SLC14A2: variants seen among roughly 807,000 people sequenced by gnomAD.
SLC14A2 encodes the protein urea transporter 2.
A neutral mutation model predicts 104.6 loss-of-function variants in SLC14A2; 91 were observed. The ratio of observed to expected loss-of-function variants is 0.87; its 90% CI spans 0.73 to 1.04. The LOEUF is 1.04. Among genes scored for constraint, SLC14A2 ranks in the 50% least tolerant of loss-of-function variants. The pLI is 0.00. For missense variants in SLC14A2, 1,189 were observed against 1,156.0 expected, an observed-to-expected ratio of 1.03 and a Z score of -0.41; for synonymous variants, 476 against 466.4, an observed-to-expected ratio of 1.02 and a Z score of -0.27.
chr18:45,218,051 C>A (rs1002894797), intron 1 of SLC14A2, among the ~76,000 whole-genome samples: 1 of 152,070 alleles, frequency 6.6e-6, no homozygotes, highest in African/African-American at 2.4e-5. Context: ...ACCATTTTAA[C>A]GATCTTTAAG....
intron 2 of SLC14A2, among the ~76,000 whole-genome samples, chr18:45,526,224 A>C (rs2043592986): frequency 6.6e-6 from 1 of 152,182 alleles, no homozygotes; most frequent in Admixed American, 6.5e-5. Flanking sequence ...CATGGTTTTT[A>C]GTCACTGGAA....
At chr18:45,247,262 T>A (rs2084375786) in intron 1 of SLC14A2, among the ~76,000 whole-genome samples, 1 of 152,250 alleles carries the variant, frequency 6.6e-6, no homozygotes, top group African/African-American at 2.4e-5. Context: ...CAAAATTTGA[T>A]TCTTTCTTTA....
intron 1 of SLC14A2, among the ~76,000 whole-genome samples, chr18:45,365,860 G>C (rs992916431): frequency 6.6e-6 from 1 of 152,000 alleles, no homozygotes; most frequent in African/African-American, 2.4e-5. Context: ...TGTTTTTCCA[G>C]CACTGTGAAT....
intron 1 of SLC14A2, among the ~76,000 whole-genome samples, chr18:45,311,863 T>A (rs966378169): frequency 2.0e-5 from 3 of 152,204 alleles, no homozygotes; most frequent in African/African-American, 7.2e-5. Context: ...GGGGAGATAG[T>A]GGCAGATTAT....
At chr18:45,663,930 G>T (rs757300142) in intron 11 of SLC14A2, 23 bp downstream of exon 11, 2 of 1,595,586 alleles carry the variant, frequency 1.3e-6, no homozygotes, top group Non-Finnish European at 1.7e-6. Context: ...TCCCCCTCAC[G>T]CTTGGATCCC....
At chr18:45,656,489 A>G (rs2144602314) in intron 10 of SLC14A2, among the ~76,000 whole-genome samples, 1 of 152,348 alleles carries the variant, frequency 6.6e-6, no homozygotes, top group Non-Finnish European at 1.5e-5. Flanking sequence ...AGAGTGACAT[A>G]ATAACATGGT....
At chr18:45,177,074 A>C in the SLC14A2 span, among the ~76,000 whole-genome samples, 2 of 152,170 alleles carry the variant, frequency 1.3e-5, no homozygotes, top group Admixed American at 1.3e-4. Flanking sequence ...AAGCTGCACA[A>C]ACCAGGACCT....
At chr18:45,599,853 G>A (rs1423212490) in intron 2 of SLC14A2, among the ~76,000 whole-genome samples, 3 of 152,340 alleles carry the variant, frequency 2.0e-5, no homozygotes, top group East Asian at 1.9e-4. Context: ...AGCAGGCAAA[G>A]AGAGAGCTCA....
At chr18:45,629,533 G>C (rs1178862089) in intron 4 of SLC14A2, among the ~76,000 whole-genome samples, 1 of 152,064 alleles carries the variant, frequency 6.6e-6, no homozygotes. Flanking sequence ...ACTCTGTCCA[G>C]CCCACTGCCT....
At chr18:45,304,726 A>T (rs550768309) in intron 1 of SLC14A2, among the ~76,000 whole-genome samples, 1 of 152,268 alleles carries the variant, frequency 6.6e-6, no homozygotes, top group African/African-American at 2.4e-5. Flanking sequence ...GAGCAGCCTA[A>T]CTACACAGTC....
intron 1 of SLC14A2, chr18:45,438,399 T>G (rs771115914): frequency 6.6e-6 from 1 of 152,004 alleles, no homozygotes; most frequent in Non-Finnish European, 1.5e-5. Flanking sequence ...ATTTACCTCC[T>G]GTTATCTGTA....
intron 2 of SLC14A2, among the ~76,000 whole-genome samples, chr18:45,570,638 A>ATCCTC (rs1245664503): frequency 1.3e-5 from 2 of 152,218 alleles, no homozygotes; most frequent in Non-Finnish European, 2.9e-5. Context: ...CAAACCCCTT[A>ATCCTC]TCCTCTGTCC....
chr18:45,564,876 A>G (rs1329994312), intron 2 of SLC14A2, among the ~76,000 whole-genome samples: 2 of 152,196 alleles, frequency 1.3e-5, no homozygotes, highest in African/African-American at 2.4e-5. Flanking sequence ...AACACAGCAC[A>G]GCAGTATAAC....
At chr18:45,301,035 A>G (rs2084963513) in intron 1 of SLC14A2, among the ~76,000 whole-genome samples, 1 of 152,194 alleles carries the variant, frequency 6.6e-6, no homozygotes, top group Non-Finnish European at 1.5e-5. Context: ...AAACAAGTAG[A>G]TGATGATGCG....
chr18:45,359,533 G>C (rs2085589760), intron 1 of SLC14A2, among the ~76,000 whole-genome samples: 1 of 152,198 alleles, frequency 6.6e-6, no homozygotes, highest in Non-Finnish European at 1.5e-5. Context: ...CTGTGATCAG[G>C]TGCTTATCTC....
chr18:45,320,951 G>C (rs1280628734), intron 1 of SLC14A2, among the ~76,000 whole-genome samples: 1 of 152,160 alleles, frequency 6.6e-6, no homozygotes, highest in African/African-American at 2.4e-5. Context: ...CTTGAACCGA[G>C]TGGAAACTAT....
At chr18:45,423,263 C>T (rs1178214901) in intron 1 of SLC14A2, among the ~76,000 whole-genome samples, 1 of 152,154 alleles carries the variant, frequency 6.6e-6, no homozygotes, top group East Asian at 1.9e-4. Flanking sequence ...GTTTTACAAT[C>T]AAGATGCTAT....
At chr18:45,376,067 A>G (rs959191610) in intron 1 of SLC14A2, among the ~76,000 whole-genome samples, 1 of 151,794 alleles carries the variant, frequency 6.6e-6, no homozygotes, top group South Asian at 2.1e-4. Context: ...CACACCCCCG[A>G]CATGGACATT....
At chr18:45,491,605 A>G (rs1251397092) in intron 2 of SLC14A2, among the ~76,000 whole-genome samples, 1 of 152,238 alleles carries the variant, frequency 6.6e-6, no homozygotes, top group Non-Finnish European at 1.5e-5. Context: ...GTGGATATTG[A>G]GTGTTTAATA....
Sources: gnomAD v4.1 joint callset for allele counts (sites outside exome capture counted in the v4.1 genomes callset) on GRCh38, gnomAD v4.1.1 for gene constraint, MANE v1.5 for transcripts, NCBI Gene and HGNC (gene_info 2026-07-23, HGNC 2026-07-21) for gene names.